Variants in RAB19 observed in about 807,000 individuals in gnomAD.
RAB19 encodes the protein RAB19, member RAS oncogene family.
A neutral mutation model predicts 17.3 loss-of-function variants in RAB19; 21 were observed. The observed-to-expected ratio is 1.21, with a 90% CI of 0.86 to 1.74. The LOEUF (loss-of-function observed/expected upper bound fraction) is 1.74. Ranked by LOEUF, RAB19 falls within the 40% of genes most tolerant of loss-of-function variation. The pLI is 0.00. For missense variants in RAB19, 277 were observed against 286.8 expected, an observed-to-expected ratio of 0.97 and a Z score of 0.25; for synonymous variants, 126 against 110.4, an observed-to-expected ratio of 1.14 and a Z score of -0.88.
At chr7:140,405,024 C>T (rs773174233) in intron 1 of RAB19, among the ~76,000 whole-genome samples, 6 of 152,086 alleles carry the variant, frequency 3.9e-5, no homozygotes, top group Non-Finnish European at 5.9e-5. Flanking sequence ...TCCTTGTGAT[C>T]AGAGATATTT....
chr7:140,422,932 A>G (rs1382039919), intron 3 of RAB19, among the ~76,000 whole-genome samples: 9 of 148,724 alleles, frequency 6.1e-5, no homozygotes, highest in East Asian at 2.0e-4. Flanking sequence ...ACATGGTGAA[A>G]CTCTGTCTCT....
chr7:140,406,002 G>T (rs1799233516), intron 1 of RAB19, among the ~76,000 whole-genome samples: 1 of 151,880 alleles, frequency 6.6e-6, no homozygotes, highest in Non-Finnish European at 1.5e-5. Context: ...CAACACTTTG[G>T]GAGGTCAAGG....
intron 2 of RAB19, among the ~76,000 whole-genome samples, chr7:140,411,260 C>T (rs550513773): frequency 3.2e-4 from 48 of 152,254 alleles, no homozygotes; most frequent in Non-Finnish European, 6.6e-4. Flanking sequence ...ATTAGCTGGG[C>T]ATGGTGGCGG....
At chr7:140,424,639 A>ATGTGTGTGTGTG (rs1554442795) in intron 3 of RAB19, among the ~76,000 whole-genome samples, 10 of 138,366 alleles carry the variant, frequency 7.2e-5, no homozygotes, top group African/African-American at 2.5e-4. Context: ...ATATATATAT[A>ATGTGTGTGTGTG]TGTGTGTGTG....
Position 140,412,056 on chromosome 7 carries a change from TG to T in RAB19, c.385+1del. On this transcript the variant is annotated frameshift_variant and splice_region_variant, in exon 3 of 4. Coordinates refer to ENST00000537763, the MANE Select transcript of RAB19 (RefSeq NM_001008749.3). LOFTEE classifies it high-confidence loss of function. ...CTGCAAATGTGGTCATTATGCTGAT[TG>T]GTATGGCATTTTTGAAGTTTTTAAC... ...GAANVVIMLIGNKCDLWEKRH... is the reference protein window; with the variant it reads ...GAANVVIMLIXNKCDLWEKRH... The T allele has an allele frequency of 6.2e-7, 1 of 1,609,344 alleles. No homozygotes were observed. Among genetic ancestry groups the T allele is most frequent in the Admixed American group, 1.7e-5 (1 of 59,988 alleles).
In RAB19 at chr7:140,425,964, C is replaced by T. The variant is rs141552535; in HGVS notation, c.468C>T (p.Ala156=). The T allele has an allele frequency of 1.6e-4, 265 of 1,614,156 alleles. No homozygotes were observed. In the African/African-American group the frequency reaches 2.8e-3, roughly 17 times the overall value. ...TGGCTGAGAAGTACGGCCTCCTGGCCGTTTTGGAGACATCTGCCAAGGAGT... is the reference window on the plus strand; with the variant it reads ...TGGCTGAGAAGTACGGCCTCCTGGCTGTTTTGGAGACATCTGCCAAGGAGT... The part of the protein sequence containing the change: ...CTLAEKYGLL[A]VLETSAKESK... Residue 156 remains alanine, a synonymous_variant, in exon 4 of 4, where the codon GCC becomes GCT. Transcript: ENST00000537763.
intron 3 of RAB19, among the ~76,000 whole-genome samples, chr7:140,415,066 C>CTTTTG (rs1489702932): frequency 2.7e-5 from 4 of 149,020 alleles, no homozygotes; most frequent in African/African-American, 1.0e-4. Context: ...CTTTTTTTTT[C>CTTTTG]TTTTCTTTTC....
At chr7:140,424,590 T>C (rs992638405) in intron 3 of RAB19, among the ~76,000 whole-genome samples, 1 of 64,644 alleles carries the variant, frequency 1.5e-5, no homozygotes, top group Non-Finnish European at 2.5e-5. Flanking sequence ...CCTCTCCCTC[T>C]CTCTCTCTCT....
rs373058906 is a variant in RAB19, at chr7:140,412,344, C to T, written c.385+287C>T. Among the ~76,000 whole-genome samples, 994 of 151,856 alleles carry T rather than the reference C, an allele frequency of 6.5e-3. 10 individuals carry two copies. Among genetic ancestry groups the T allele is most frequent in the African/African-American group, 0.023 (942 of 41,400 alleles). ...GTGGGCGCCTGTAGTCCCAGCTACT[C>T]GGGAGGCTGAGGCAGGAGAATCGCT... On this transcript the variant is annotated intron_variant, in intron 3 of 3. Transcript: ENST00000537763.
chr7:140,411,604 G>A (rs1799362902), intron 2 of RAB19, among the ~76,000 whole-genome samples: 1 of 152,078 alleles, frequency 6.6e-6, no homozygotes, highest in South Asian at 2.1e-4. Flanking sequence ...GTGTTGGGCT[G>A]CATTCAAAGT....
chr7:140,424,617 CTCTA>C (rs1300959071), intron 3 of RAB19, among the ~76,000 whole-genome samples: 4,235 of 72,782 alleles, frequency 0.058, 96 homozygotes, highest in African/African-American at 0.11. Flanking sequence ...CTCTCTCTCT[CTCTA>C]TATATATATA....
At chr7:140,418,958 T>G (rs1799511772) in intron 3 of RAB19, among the ~76,000 whole-genome samples, 1 of 152,256 alleles carries the variant, frequency 6.6e-6, no homozygotes, top group Admixed American at 6.5e-5. Context: ...AGTGCTTTTA[T>G]GATAAACACT....
intron 3 of RAB19, among the ~76,000 whole-genome samples, chr7:140,418,720 A>G (rs911900298): frequency 1.3e-5 from 2 of 151,858 alleles, no homozygotes; most frequent in Admixed American, 1.3e-4. Flanking sequence ...TTAGCTGGGT[A>G]TGATGGCATG....
At chr7:140,418,965 C>T (rs1288078030) in intron 3 of RAB19, among the ~76,000 whole-genome samples, 3 of 151,932 alleles carry the variant, frequency 2.0e-5, no homozygotes, top group Non-Finnish European at 4.4e-5. Flanking sequence ...TTATGATAAA[C>T]ACTTCTTTGC....
chr7:140,422,197 G>C (rs1374382381), intron 3 of RAB19, among the ~76,000 whole-genome samples: 3 of 152,104 alleles, frequency 2.0e-5, no homozygotes, highest in Non-Finnish European at 4.4e-5. Flanking sequence ...GACCAGCCTG[G>C]CCAACATGGT....
chr7:140,408,069 A>G (rs1264305910), intron 2 of RAB19, among the ~76,000 whole-genome samples: 6 of 144,386 alleles, frequency 4.2e-5, no homozygotes, highest in African/African-American at 1.5e-4. Context: ...ATGTATTTTT[A>G]GTAGAGATGG....
chr7:140,407,873 G>A (rs1209594675), intron 2 of RAB19, 26 bp downstream of exon 2: 3 of 1,215,476 alleles, frequency 2.5e-6, no homozygotes, highest in East Asian at 2.4e-5. Flanking sequence ...GACGGGACTG[G>A]TTCCACCTTT....
In RAB19 at chr7:140,426,389, G is replaced by A; in HGVS notation, c.*239G>A. ...TCACTGACTCTTGACTCCTGGAGAA[G>A]GCAGGACTTCAGGCTAGGAGAGGGA... is the stretch of plus-strand genomic sequence containing the variant. On this transcript the variant is annotated 3_prime_UTR_variant, in exon 4 of 4. Transcript: ENST00000537763. 1 of 509,290 alleles carries A rather than the reference G, an allele frequency of 2.0e-6. No individual in the cohort carries two copies. Among genetic ancestry groups the A allele is most frequent in the Non-Finnish European group, 3.4e-6 (1 of 290,980 alleles). 31.5% of individuals were successfully genotyped at this position (509,290 alleles called of 1,614,324 possible). A position where few individuals can be genotyped will look rare whatever the true frequency, so the allele number is the denominator to read the frequency against.
intron 3 of RAB19, among the ~76,000 whole-genome samples, chr7:140,424,680 T>TAC (rs1563075667): frequency 8.8e-6 from 1 of 113,156 alleles, no homozygotes; most frequent in African/African-American, 3.9e-5. Context: ...TATATATATA[T>TAC]ATACACATAT....
Sources: allele counts gnomAD v4.1 joint callset (sites outside exome capture counted in the v4.1 genomes callset), GRCh38; gene constraint gnomAD v4.1.1; transcripts MANE v1.5; gene names NCBI Gene and HGNC (gene_info 2026-07-23, HGNC 2026-07-21).